AK7: variants seen among roughly 807,000 people sequenced by gnomAD.
The protein encoded by AK7 is adenylate kinase 7, also known as ATP-AMP transphosphorylase 7.
AK7 carries 78 observed loss-of-function variants against 96.6 expected under a neutral mutation model. That is an observed-to-expected ratio of 0.81 (90% CI 0.67 to 0.97). The LOEUF is 0.97. AK7 is among the 50% of genes least tolerant of loss of function. The probability of loss-of-function intolerance (pLI) is 0.00; values close to 1 mark genes in which losing one functional copy is unlikely to be tolerated. For synonymous variants in AK7, 302 were observed against 317.2 expected, an observed-to-expected ratio of 0.95 and a Z score of 0.51; for missense variants, 855 against 887.9, an observed-to-expected ratio of 0.96 and a Z score of 0.47.
chr14:96,415,021 C>A (rs989073349), intron 4 of AK7, among the ~76,000 whole-genome samples: 2 of 152,006 alleles, frequency 1.3e-5, no homozygotes, highest in African/African-American at 4.8e-5. Context: ...TCCCAAAGTA[C>A]TGGGATTACA....
At position 96,488,507 on chromosome 14, in the gene AK7, T is replaced by TC; in HGVS notation, c.*164_*165insC. ...TCTATTAAAAGCTATATGACATGAC[T>TC]ATGTCATTAAAACTATATTTGAAAT... On this transcript the variant is annotated 3_prime_UTR_variant, in exon 18 of 18. Coordinates refer to ENST00000267584, the MANE Select transcript of AK7 (RefSeq NM_152327.5). The TC allele has an allele frequency of 3.7e-6, 2 of 546,414 alleles. No individual in the cohort carries two copies. The highest frequency in any genetic ancestry group is 6.5e-6 in the Non-Finnish European group (2 of 309,446). 33.8% of individuals were successfully genotyped at this position (546,414 alleles called of 1,614,324 possible). A position where few individuals can be genotyped will look rare whatever the true frequency, so the allele number is the denominator to read the frequency against.
Position 96,458,742 on chromosome 14 carries a change from CAA to C in AK7, c.1357+548_1357+549del, listed in dbSNP as rs1010974357. Reference sequence around the variant, plus strand: ...GGGCAACAAGAGTGAAACTCTGTCTCAAAAAAAAAAAAAAAAAAATTAGCTGA... The same window carrying C: ...GGGCAACAAGAGTGAAACTCTGTCTCAAAAAAAAAAAAAAAAATTAGCTGA... On this transcript the variant is annotated intron_variant, in intron 12 of 17. Transcript: ENST00000267584. 1.6e-3 allele frequency among the ~76,000 whole-genome samples: 147 copies of C among 89,848 alleles called. 5 individuals are homozygous for C. The South Asian group carries it at 0.038, about 23-fold the overall frequency. The allele number at this position is 89,848 out of a possible 152,430, so 58.9% of individuals were successfully genotyped here.
intron 5 of AK7, chr14:96,424,002 A>G (rs1891868107): frequency 1.2e-6 from 1 of 825,438 alleles, no homozygotes; most frequent in African/African-American, 1.7e-5. Context: ...TGCTTGGAGC[A>G]TCCGGGTCTG....
At chr14:96,472,820 G>A (rs1245664419) in intron 14 of AK7, 65 bp downstream of exon 14, 29 of 1,397,832 alleles carry the variant, frequency 2.1e-5, no homozygotes, top group South Asian at 1.2e-4. Flanking sequence ...GGTGGCTCAC[G>A]CCTGTAATCT....
At chr14:96,424,109 G>A (rs934590864) in intron 5 of AK7, 2 of 660,194 alleles carry the variant, frequency 3.0e-6, no homozygotes, top group South Asian at 2.9e-5. Flanking sequence ...ACGGTGCTCC[G>A]CTCGTCCACC....
At chr14:96,434,870 C>T (rs957972127) in intron 5 of AK7, among the ~76,000 whole-genome samples, 1 of 152,190 alleles carries the variant, frequency 6.6e-6, no homozygotes, top group African/African-American at 2.4e-5. Context: ...CCAGTAGCCA[C>T]CCCAGGCCAC....
At chr14:96,473,074 T>C (rs1295420359) in intron 14 of AK7, among the ~76,000 whole-genome samples, 2 of 152,164 alleles carry the variant, frequency 1.3e-5, no homozygotes, top group East Asian at 3.9e-4. Flanking sequence ...AGAGACTCTG[T>C]TTCAAAAGAA....
chr14:96,478,804 G>A, intron 15 of AK7, 142 bp downstream of exon 15: 1 of 771,166 alleles, frequency 1.3e-6, no homozygotes. Context: ...AAATACACAG[G>A]GCACTCCTCC....
At chr14:96,456,925 G>A (rs1033529740) in intron 11 of AK7, 5 of 201,876 alleles carry the variant, frequency 2.5e-5, no homozygotes, top group South Asian at 2.0e-4. Context: ...TGGATGACGT[G>A]TGGATCTTCT....
At chr14:96,418,581 C>T (rs939401158) in intron 4 of AK7, among the ~76,000 whole-genome samples, 4 of 152,028 alleles carry the variant, frequency 2.6e-5, no homozygotes, top group South Asian at 2.1e-4. Context: ...TGCAGTTGTG[C>T]AGTCTCGGCT....
intron 17 of AK7, among the ~76,000 whole-genome samples, chr14:96,487,336 ATC>A (rs1895827351): frequency 7.7e-6 from 1 of 130,332 alleles, no homozygotes. Flanking sequence ...GTGAGCCGAG[ATC>A]ACACCACTGC....
chr14:96,400,194 A>T (rs1162165437), intron 2 of AK7, among the ~76,000 whole-genome samples: 1 of 151,750 alleles, frequency 6.6e-6, no homozygotes, highest in Non-Finnish European at 1.5e-5. Flanking sequence ...GCGTGCCACC[A>T]CACCCAGCTA....
At chr14:96,412,167 G>C (rs1238077718) in intron 4 of AK7, among the ~76,000 whole-genome samples, 1 of 151,826 alleles carries the variant, frequency 6.6e-6, no homozygotes, top group Non-Finnish European at 1.5e-5. Flanking sequence ...ATAGACTTGG[G>C]ATGGGAAGAA....
At chr14:96,403,563 C>T (rs142681617) in intron 2 of AK7, among the ~76,000 whole-genome samples, 43 of 152,266 alleles carry the variant, frequency 2.8e-4, no homozygotes, top group African/African-American at 1.0e-3. Flanking sequence ...TTAACAAGGA[C>T]GTATTAACCT....
chr14:96,453,154 C>T (rs1276567088), intron 10 of AK7, among the ~76,000 whole-genome samples: 1 of 152,070 alleles, frequency 6.6e-6, no homozygotes, highest in African/African-American at 2.4e-5. Flanking sequence ...AAACATGTAC[C>T]ACTTAGCAAA....
intron 15 of AK7, among the ~76,000 whole-genome samples, chr14:96,482,073 GA>G (rs1466608299): frequency 6.6e-6 from 1 of 152,088 alleles, no homozygotes; most frequent in Non-Finnish European, 1.5e-5. Flanking sequence ...TCCCATATTA[GA>G]ACTTGGTGGT....
At chr14:96,471,349 A>AAAAAAGC (rs1234309911) in intron 12 of AK7, 129 bp from the exon 13 acceptor site, 2 of 478,220 alleles carry the variant, frequency 4.2e-6, no homozygotes, top group African/African-American at 2.1e-5. Context: ...AAAAAAAAAA[A>AAAAAAGC]AAAAAGCAAA....
intron 12 of AK7, among the ~76,000 whole-genome samples, chr14:96,468,066 G>A (rs559432003): frequency 2.2e-4 from 23 of 104,714 alleles, no homozygotes; most frequent in Middle Eastern, 7.8e-3. Context: ...GCAAGACCCC[G>A]TCTCTACAAA....
chr14:96,430,820 A>G lies in AK7; in HGVS notation c.610-7015A>G, dbSNP rs143230531. On this transcript the variant is annotated intron_variant, in intron 5 of 17. Transcript: ENST00000267584. ...GTTAGGGAGGATTTCCTTTTTTTCT[A>G]TTGATTGGATTCGTTTCAGAAGGCA... Among the ~76,000 whole-genome samples, 634 of 151,896 alleles carry G rather than the reference A, an allele frequency of 4.2e-3. 8 individuals carry two copies. Among genetic ancestry groups the G allele is most frequent in the African/African-American group, 0.014 (574 of 41,430 alleles).
Sources: gnomAD v4.1 joint callset for allele counts (sites outside exome capture counted in the v4.1 genomes callset) on GRCh38, gnomAD v4.1.1 for gene constraint, MANE v1.5 for transcripts, NCBI Gene and HGNC (gene_info 2026-07-23, HGNC 2026-07-21) for gene names.